Variants in MAPKAPK5 observed in about 807,000 individuals in gnomAD.
MAPKAPK5 encodes the protein MAPK activated protein kinase 5.
A neutral mutation model predicts 65.1 loss-of-function variants in MAPKAPK5; 30 were observed. The ratio of observed to expected loss-of-function variants is 0.46; its 90% CI spans 0.34 to 0.63. MAPKAPK5 has a LOEUF of 0.63. Ranked by LOEUF, MAPKAPK5 falls within the 20% of genes least tolerant of loss-of-function variation. The pLI is 0.01. For synonymous variants in MAPKAPK5, 179 were observed against 204.6 expected (o/e 0.87, Z 1.07); for missense variants, 433 against 581.4 (o/e 0.74, Z 2.63).
intron 1 of MAPKAPK5, chr12:111,843,401 CAAATA>C (rs1231620211): frequency 1.3e-5 from 5 of 395,210 alleles, no homozygotes; most frequent in South Asian, 2.8e-4. Context: ...GAAAATTACA[CAAATA>C]AAATAAGTTT....
intron 10 of MAPKAPK5, chr12:111,888,096 C>T: frequency 5.0e-6 from 1 of 199,256 alleles, no homozygotes; most frequent in Non-Finnish European, 1.0e-5. Flanking sequence ...GGGCTCTGAG[C>T]TGTCAGGGCT....
Position 111,890,152 on chromosome 12 carries a change from C to T in MAPKAPK5, c.1321+8C>T. On this transcript the variant is annotated splice_region_variant and intron_variant, in intron 13 of 13. Coordinates refer to ENST00000550735, the MANE Select transcript of MAPKAPK5 (RefSeq NM_003668.4). ...AGAGCTTCAGCTGGAATGGTAGGAG[C>T]CTTCATCAACTCCCTTCCCCAGGAA... 6.4e-7 allele frequency: 1 copy of T among 1,552,780 alleles called. No homozygotes were observed. The highest frequency in any genetic ancestry group is 8.8e-7 in the Non-Finnish European group (1 of 1,138,172).
Position 111,888,964 on chromosome 12 carries a change from C to T in MAPKAPK5, c.1180C>T (p.Arg394Ter), listed in dbSNP as rs751979756. 5 of 1,604,972 alleles carry T rather than the reference C, an allele frequency of 3.1e-6. No homozygotes were observed. Among genetic ancestry groups the T allele is most frequent in the Non-Finnish European group, 4.3e-6 (5 of 1,175,726 alleles). Residue 394 changes from arginine to a stop codon, truncating the protein, a stop_gained, in exon 12 of 14, where the codon CGA becomes TGA. Transcript: ENST00000550735. LOFTEE classifies it high-confidence loss of function. Reference sequence around the variant, plus strand: ...TTCCAATGTTGCCTTGGAAAAACTCCGAGATGTGATTGCTCAGTGTATTCT... The same window carrying T: ...TTCCAATGTTGCCTTGGAAAAACTCTGAGATGTGATTGCTCAGTGTATTCT... ...EDSNVALEKLRDVIAQCILPQ... is the reference protein window; with the variant it reads ...EDSNVALEKL
intron 1 of MAPKAPK5, among the ~76,000 whole-genome samples, chr12:111,863,280 C>T (rs1251243975): frequency 6.6e-6 from 1 of 152,182 alleles, no homozygotes; most frequent in Non-Finnish European, 1.5e-5. Context: ...CTCAATATCC[C>T]TTCATCACAA....
chr12:111,852,194 G>A (rs2069105927), intron 1 of MAPKAPK5, among the ~76,000 whole-genome samples: 1 of 152,176 alleles, frequency 6.6e-6, no homozygotes, highest in Admixed American at 6.6e-5. Context: ...GTATAGAAAT[G>A]TTTTTAGAGA....
chr12:111,852,783 T>C (rs1189847842), intron 1 of MAPKAPK5, among the ~76,000 whole-genome samples: 1 of 151,440 alleles, frequency 6.6e-6, no homozygotes, highest in Non-Finnish European at 1.5e-5. Flanking sequence ...AAATTTATTC[T>C]TTTTTTTTGA....
In MAPKAPK5 at chr12:111,900,286, G is replaced by C. The variant is rs1436354342; in HGVS notation, c.*7225G>C. 1 of 456,126 alleles carries C rather than the reference G, an allele frequency of 2.2e-6. No individual in the cohort carries two copies. The highest frequency in any genetic ancestry group is 4.4e-6 in the Non-Finnish European group (1 of 226,812). The allele number at this position is 456,126 out of a possible 1,614,324, so 28.3% of individuals were successfully genotyped here. ...GGCCAGGCCTTTCTCAGTGGTGCCT[G>C]CTCAAGCGGTTTTGCGGCAGCTGTT... On this transcript the variant is annotated 3_prime_UTR_variant, in exon 14 of 14. Coordinates refer to ENST00000550735, the MANE Select transcript of MAPKAPK5 (RefSeq NM_003668.4).
intron 11 of MAPKAPK5, 102 bp downstream of exon 11, chr12:111,888,720 C>T (rs2070498383): frequency 1.3e-6 from 2 of 1,546,292 alleles, no homozygotes; most frequent in Non-Finnish European, 1.7e-6. Flanking sequence ...GGGTCTTTAG[C>T]CTCTGAAGAG....
chr12:111,867,232 A>G (rs2069643848), intron 3 of MAPKAPK5, among the ~76,000 whole-genome samples: 1 of 152,184 alleles, frequency 6.6e-6, no homozygotes, highest in African/African-American at 2.4e-5. Flanking sequence ...CTGGTTATAC[A>G]TTGGTTTTAA....
At chr12:111,860,225 C>T (rs1167506230) in intron 1 of MAPKAPK5, among the ~76,000 whole-genome samples, 3 of 152,184 alleles carry the variant, frequency 2.0e-5, no homozygotes, top group African/African-American at 7.2e-5. Flanking sequence ...GATCAACTTA[C>T]AGTCAAATGC....
chr12:111,843,233 T>C (rs573798123), intron 1 of MAPKAPK5: 15 of 398,546 alleles, frequency 3.8e-5, no homozygotes, highest in Middle Eastern at 6.2e-4. Context: ...GTACAAAACC[T>C]GTCCTTTGGG....
chr12:111,882,692 A>G, intron 8 of MAPKAPK5: 1 of 515,018 alleles, frequency 1.9e-6, no homozygotes, highest in Non-Finnish European at 2.5e-6. Context: ...TTTTTTTCAC[A>G]GTATCTTCCC....
intron 1 of MAPKAPK5, among the ~76,000 whole-genome samples, chr12:111,856,229 G>GAA (rs2069235830): frequency 2.0e-5 from 3 of 151,972 alleles, no homozygotes. Context: ...ATTCCATGGT[G>GAA]GTTGGAGAAC....
At chr12:111,861,112 G>A (rs947421546) in intron 1 of MAPKAPK5, among the ~76,000 whole-genome samples, 4 of 150,982 alleles carry the variant, frequency 2.6e-5, no homozygotes, top group South Asian at 2.1e-4. Context: ...AGCCGAGATC[G>A]CGCCACTGCA....
At position 111,893,635 on chromosome 12, in the gene MAPKAPK5, C is replaced by T. The variant is rs2070700635; in HGVS notation, c.*574C>T. On this transcript the variant is annotated 3_prime_UTR_variant, in exon 14 of 14. Transcript: ENST00000550735. Reference sequence around the variant, plus strand: ...CTAATTCCCAAGAGAAAAGCAGGAACATTTCCTTTTTGTCATATCTGTTAA... The same window carrying T: ...CTAATTCCCAAGAGAAAAGCAGGAATATTTCCTTTTTGTCATATCTGTTAA... The T allele has an allele frequency of 6.6e-6, 1 of 151,906 alleles. No homozygotes were observed. Among genetic ancestry groups the T allele is most frequent in the Non-Finnish European group, 1.5e-5 (1 of 68,018 alleles). 9.4% of individuals were successfully genotyped at this position (151,906 alleles called of 1,614,324 possible).
At chr12:111,889,037 T>TGTGAGTGTGTGTGTGCAGGG in intron 12 of MAPKAPK5, 37 bp downstream of exon 12, 1 of 1,550,046 alleles carries the variant, frequency 6.5e-7, no homozygotes, top group African/African-American at 1.4e-5. Flanking sequence ...TCTGTGTGTC[T>TGTGAGTGTGTGTGTGCAGGG]GTGAGTGTGT....
In MAPKAPK5 at chr12:111,883,008, A is replaced by G. The variant is rs2070286054; in HGVS notation, c.661-573A>G. 6.6e-6 allele frequency among the ~76,000 whole-genome samples: 1 copy of G among 152,248 alleles called. No homozygotes were observed. The highest frequency in any genetic ancestry group is 2.1e-4 in the South Asian group (1 of 4,838). On this transcript the variant is annotated intron_variant, in intron 8 of 13. Transcript: ENST00000550735. This position sits in a 1 kb window ranked among gnomAD's most constrained non-coding sequence, Gnocchi z 4.8. Reference sequence around the variant, plus strand: ...GGGCCTAAAGAGTGAGAATGAAAGTACCTGTACATTTTATCCCAGACTGGC... The same window carrying G: ...GGGCCTAAAGAGTGAGAATGAAAGTGCCTGTACATTTTATCCCAGACTGGC...
In MAPKAPK5 at chr12:111,901,989, T is replaced by C. The variant is rs1006541530; in HGVS notation, c.*8928T>C. Reference sequence around the variant, plus strand: ...CCTTGTCTTTTTGGCCCAATTGTTTTAGTCACCAGAAACTTTTTCAGGACA... The same window carrying C: ...CCTTGTCTTTTTGGCCCAATTGTTTCAGTCACCAGAAACTTTTTCAGGACA... On this transcript the variant is annotated 3_prime_UTR_variant, in exon 14 of 14. Coordinates refer to ENST00000550735, the MANE Select transcript of MAPKAPK5 (RefSeq NM_003668.4). 6.6e-6 allele frequency: 1 copy of C among 152,604 alleles called. No individual in the cohort carries two copies. The highest frequency in any genetic ancestry group is 1.5e-5 in the Non-Finnish European group (1 of 68,356). The allele number at this position is 152,604 out of a possible 1,614,324, so 9.5% of individuals were successfully genotyped here.
intron 10 of MAPKAPK5, among the ~76,000 whole-genome samples, chr12:111,887,186 T>C (rs771251781): frequency 6.6e-6 from 1 of 152,164 alleles, no homozygotes; most frequent in African/African-American, 2.4e-5. Flanking sequence ...GTGGAAGTGT[T>C]AGACGTCTCT....
Sources: gnomAD v4.1 joint callset for allele counts (sites outside exome capture counted in the v4.1 genomes callset) on GRCh38, gnomAD v4.1.1 for gene constraint, Gnocchi (gnomAD v3.1) non-coding constraint, MANE v1.5 for transcripts, NCBI Gene and HGNC (gene_info 2026-07-23, HGNC 2026-07-21) for gene names.